Variants in ZFYVE16 observed in about 807,000 individuals in gnomAD.
ZFYVE16 encodes zinc finger FYVE-type containing 16.
In ZFYVE16, 89 loss-of-function variants were observed where a neutral mutation model predicts 138.1. That is an observed-to-expected ratio of 0.64 (90% CI 0.54 to 0.77). The LOEUF (loss-of-function observed/expected upper bound fraction) is 0.77, where lower values mean the gene tolerates loss of function less well. ZFYVE16 is among the 30% of genes least tolerant of loss of function. The probability of loss-of-function intolerance (pLI) is 0.00; values close to 1 mark genes in which losing one functional copy is unlikely to be tolerated. For missense variants in ZFYVE16, 1,793 were observed against 1,786.7 expected (o/e 1.00, Z -0.06); for synonymous variants, 596 against 618.3 (o/e 0.96, Z 0.53).
chr5:80,428,336 A>G (rs1256119708), intron 2 of ZFYVE16, among the ~76,000 whole-genome samples: 3 of 152,332 alleles, frequency 2.0e-5, no homozygotes, highest in East Asian at 1.9e-4. Flanking sequence ...GCTGAAACCC[A>G]GGTAAACAGG....
chr5:80,416,184 G>A (rs1364321510), intron 1 of ZFYVE16, among the ~76,000 whole-genome samples: 1 of 151,394 alleles, frequency 6.6e-6, no homozygotes, highest in Non-Finnish European at 1.5e-5. Flanking sequence ...TTTTTGCGTG[G>A]GAGATTTGTC....
chr5:80,413,342 A>G (rs975279890), intron 1 of ZFYVE16, among the ~76,000 whole-genome samples: 2 of 151,968 alleles, frequency 1.3e-5, no homozygotes, highest in African/African-American at 4.8e-5. Flanking sequence ...ATGGTGGCGC[A>G]TGCCTGTAAT....
At chr5:80,427,360 A>T (rs835728) in intron 1 of ZFYVE16, 132 bp from the exon 2 acceptor site, 120,897 of 151,918 alleles carry the variant, frequency 0.8, 50,432 homozygotes, top group East Asian at 0.92. Context: ...TTGTTTTTTT[A>T]AAAAAAATCT....
chr5:80,433,091 A>G (rs1749328711), intron 2 of ZFYVE16, among the ~76,000 whole-genome samples: 2 of 152,252 alleles, frequency 1.3e-5, no homozygotes, highest in East Asian at 1.9e-4. Context: ...TACTGGGTAT[A>G]TACCCAAAGG....
rs1434774473 is a variant in ZFYVE16 at position 80,478,216 on chromosome 5, A to G, written c.*839A>G. ...TATACCACTGTATTTACCACTTCTA[A>G]GAGTGACTGACGACGGGCCAGATGA... is the stretch of plus-strand genomic sequence containing the variant. On this transcript the variant is annotated 3_prime_UTR_variant, in exon 19 of 19. Coordinates refer to ENST00000505560, the MANE Select transcript of ZFYVE16 (RefSeq NM_001284236.3). The G allele has an allele frequency of 6.6e-6, 1 of 152,040 alleles. No homozygotes were observed. The highest frequency in any genetic ancestry group is 1.5e-5 in the Non-Finnish European group (1 of 67,930). The allele number at this position is 152,040 out of a possible 1,614,324, so 9.4% of individuals were successfully genotyped here. A position where few individuals can be genotyped will look rare whatever the true frequency, so the allele number is the denominator to read the frequency against.
At chr5:80,428,335 C>T (rs894825827) in intron 2 of ZFYVE16, among the ~76,000 whole-genome samples, 2 of 152,182 alleles carry the variant, frequency 1.3e-5, no homozygotes, top group Non-Finnish European at 2.9e-5. Context: ...TGCTGAAACC[C>T]AGGTAAACAG....
rs1357251272 is a variant in ZFYVE16 at position 80,427,483 on chromosome 5, T to C, written c.-93-9T>C. On this transcript the variant is annotated splice_polypyrimidine_tract_variant and intron_variant, in intron 1 of 18. Transcript: ENST00000505560. ...GTCCTTTTGATATTATCCCATTACT[T>C]ATTGACAGATTCCTGTGAGGTTTCT... 1 of 152,102 alleles carries C rather than the reference T, an allele frequency of 6.6e-6. No individual in the cohort carries two copies. The highest frequency in any genetic ancestry group is 1.5e-5 in the Non-Finnish European group (1 of 68,018). 9.4% of individuals were successfully genotyped at this position (152,102 alleles called of 1,614,324 possible).
At chr5:80,422,431 C>A (rs2112229821) in intron 1 of ZFYVE16, among the ~76,000 whole-genome samples, 1 of 152,212 alleles carries the variant, frequency 6.6e-6, no homozygotes, top group Non-Finnish European at 1.5e-5. Flanking sequence ...AAGAGTTTTT[C>A]TCATGAATGT....
At position 80,473,786 on chromosome 5, in the gene ZFYVE16, A is replaced by G; in HGVS notation, c.4220A>G (p.Gln1407Arg). The change falls in exon 17 of 19, where the codon CAA (glutamine) becomes CGA (arginine). Residue 1407 changes from glutamine to arginine, a missense_variant. Physicochemically the swap from Gln to Arg is conservative, Grantham distance 43 (BLOSUM62 1). Coordinates refer to ENST00000505560, the MANE Select transcript of ZFYVE16 (RefSeq NM_001284236.3). ...VISSVDGISLQGFPSEKIKLE... is the reference protein window; with the variant it reads ...VISSVDGISLRGFPSEKIKLE... ...AGTTCAGTGGATGGAATATCATTAC[A>G]AGGATTTCCAAGTGAAAAAATAAAA... is the stretch of plus-strand genomic sequence containing the variant. 1 of 1,613,098 alleles carries G rather than the reference A, an allele frequency of 6.2e-7. No homozygotes were observed. The highest frequency in any genetic ancestry group is 1.7e-4 in the Middle Eastern group (1 of 6,054).
Position 80,445,286 on chromosome 5 carries a change from A to C in ZFYVE16, c.2605A>C (p.Arg869=). The change falls in exon 7 of 19, where the codon AGA becomes CGA. Residue 869 remains arginine, a synonymous_variant. Coordinates refer to ENST00000505560, the MANE Select transcript of ZFYVE16 (RefSeq NM_001284236.3). ...AGGACTATGTTCCAAAGAACAGAAG[A>C]GAGTATGGTTTGCAGATGGTATATT... is the stretch of plus-strand genomic sequence containing the variant. The part of the protein sequence containing the change: ...VEGLCSKEQK[R]VWFADGILPN... The C allele has an allele frequency of 6.2e-7, 1 of 1,613,636 alleles. No individual in the cohort carries two copies. The highest frequency in any genetic ancestry group is 8.5e-7 in the Non-Finnish European group (1 of 1,179,840).
At chr5:80,414,113 AT>A (rs1444022618) in intron 1 of ZFYVE16, among the ~76,000 whole-genome samples, 4 of 151,986 alleles carry the variant, frequency 2.6e-5, no homozygotes, top group African/African-American at 9.7e-5. Flanking sequence ...TAATATCTTA[AT>A]TCTTTTGTAC....
chr5:80,413,625 C>T (rs1446138496), intron 1 of ZFYVE16, among the ~76,000 whole-genome samples: 1 of 152,106 alleles, frequency 6.6e-6, no homozygotes, highest in African/African-American at 2.4e-5. Flanking sequence ...CAACTATTTT[C>T]TTAATTCTCC....
rs756250610 is a variant in ZFYVE16, at chr5:80,437,674, C to T, written c.989C>T (p.Ser330Phe). The change falls in exon 4 of 19, where the codon TCC becomes TTC. Residue 330 changes from serine to phenylalanine, a missense_variant. Around this residue, in one of 2 missense-constraint regions of ZFYVE16, gnomAD observed 1,295 missense variants for 1,204.3 expected, o/e 1.08. Coordinates refer to ENST00000505560, the MANE Select transcript of ZFYVE16 (RefSeq NM_001284236.3). ...GAAAATTTCAAATTACCTGACTTTT[C>T]CTTTCAGGAAGATAAGACTGTTATA... is the stretch of plus-strand genomic sequence containing the variant. ...RDENFKLPDF[S>F]FQEDKTVIKQ... 1 of 1,612,156 alleles carries T rather than the reference C, an allele frequency of 6.2e-7. No individual in the cohort carries two copies. Among genetic ancestry groups the T allele is most frequent in the South Asian group, 1.1e-5 (1 of 90,842 alleles).
intron 15 of ZFYVE16, among the ~76,000 whole-genome samples, chr5:80,464,384 G>A (rs1196522796): frequency 6.6e-6 from 1 of 152,112 alleles, no homozygotes; most frequent in African/African-American, 2.4e-5. Flanking sequence ...AAAACCATCA[G>A]ATCTTGCAAG....
intron 15 of ZFYVE16, among the ~76,000 whole-genome samples, chr5:80,468,896 T>C (rs933765538): frequency 6.6e-6 from 1 of 152,022 alleles, no homozygotes; most frequent in African/African-American, 2.4e-5. Flanking sequence ...TTTTTATTTA[T>C]TTATTTTGGT....
intron 11 of ZFYVE16, chr5:80,454,813 G>T (rs761922312): frequency 2.6e-5 from 4 of 152,148 alleles, no homozygotes; most frequent in Admixed American, 6.5e-5. Flanking sequence ...GCCAGCCCCA[G>T]TATATTTCTT....
chr5:80,469,743 C>T (rs1754111503), intron 15 of ZFYVE16, among the ~76,000 whole-genome samples: 1 of 151,242 alleles, frequency 6.6e-6, no homozygotes, highest in African/African-American at 2.4e-5. Context: ...ATTTTTTCTT[C>T]AATGTTTTTT....
chr5:80,455,900 A>G lies in ZFYVE16; in HGVS notation c.3690+126A>G, dbSNP rs112607050. 121 of 816,984 alleles carry G rather than the reference A, an allele frequency of 1.5e-4. 1 individual carries two copies. The African/African-American group carries it at 2.0e-3, about 13-fold the overall frequency. 50.6% of individuals were successfully genotyped at this position (816,984 alleles called of 1,614,324 possible). On this transcript the variant is annotated intron_variant, in intron 12 of 18. Transcript: ENST00000505560. ...TATTTGGTATAATGACCATTCATTTACAATAAATCCTAATTATTTTAACAT... is the reference window on the plus strand; with the variant it reads ...TATTTGGTATAATGACCATTCATTTGCAATAAATCCTAATTATTTTAACAT...
intron 5 of ZFYVE16, chr5:80,441,537 T>TA (rs1417918084): frequency 6.3e-5 from 62 of 985,254 alleles, no homozygotes; most frequent in East Asian, 1.1e-4. Context: ...AGTGATCATT[T>TA]AAAATAATGG....
Sources: allele counts gnomAD v4.1 joint callset (sites outside exome capture counted in the v4.1 genomes callset), GRCh38; gene constraint gnomAD v4.1.1; regional missense constraint gnomAD v4.1.1; transcripts MANE v1.5; gene names NCBI Gene and HGNC (gene_info 2026-07-23, HGNC 2026-07-21).